SS18L2: variants seen among roughly 807,000 people sequenced by gnomAD.
SS18L2 encodes SS18-like protein 2.
Under a neutral mutation model 10.3 loss-of-function variants are expected in SS18L2, and 8 were observed. The observed-to-expected ratio is 0.78, with a 90% confidence interval of 0.46 to 1.41. The LOEUF (loss-of-function observed/expected upper bound fraction) is 1.41, where lower values mean the gene tolerates loss of function less well. SS18L2 is among the 40% of genes most tolerant of loss of function. SS18L2 has a pLI of 0.00. For synonymous variants in SS18L2, 41 were observed against 34.6 expected (o/e 1.19, Z -0.65); for missense variants, 100 against 96.2 (o/e 1.04, Z -0.17).
chr3:42,582,483 A>G (rs1704450172), intron 1 of SS18L2, among the ~76,000 whole-genome samples: 1 of 152,230 alleles, frequency 6.6e-6, no homozygotes, highest in Admixed American at 6.5e-5. Context: ...GCACCCACAG[A>G]TGGATGACTG....
chr3:42,584,503 G>A (rs995362491), intron 1 of SS18L2, among the ~76,000 whole-genome samples: 12 of 152,218 alleles, frequency 7.9e-5, no homozygotes, highest in South Asian at 4.1e-4. Flanking sequence ...TGATCTGCCC[G>A]CCTTGGCCTC....
intron 2 of SS18L2, among the ~76,000 whole-genome samples, chr3:42,593,109 T>C (rs1704909980): frequency 1.3e-5 from 2 of 152,132 alleles, no homozygotes; most frequent in South Asian, 4.1e-4. Flanking sequence ...CTAGAGATTA[T>C]TTAAACTGTG....
intron 1 of SS18L2, among the ~76,000 whole-genome samples, chr3:42,584,989 C>T (rs970931158): frequency 2.0e-5 from 3 of 152,048 alleles, no homozygotes; most frequent in Non-Finnish European, 4.4e-5. Flanking sequence ...ATTAGCCGGG[C>T]GTGATGGTGG....
intron 2 of SS18L2, among the ~76,000 whole-genome samples, chr3:42,593,636 A>G (rs1426702844): frequency 1.3e-5 from 2 of 152,140 alleles, no homozygotes; most frequent in Admixed American, 1.3e-4. Flanking sequence ...ATCCATAGTA[A>G]AACAGATACC....
upstream of SS18L2, among the ~76,000 whole-genome samples, chr3:42,586,756 C>G (rs183640701): frequency 1.8e-3 from 280 of 152,312 alleles, no homozygotes; most frequent in Middle Eastern, 6.8e-3. Context: ...TCAGTTTCTA[C>G]AAGTGATGTT....
chr3:42,589,561 G>C (rs1047331040), upstream of SS18L2, among the ~76,000 whole-genome samples: 2 of 152,170 alleles, frequency 1.3e-5, no homozygotes, highest in African/African-American at 4.8e-5. Context: ...AGCAGAGGGC[G>C]GATAAGCATT....
At chr3:42,590,349 C>G (rs1326717482), upstream of SS18L2, among the ~76,000 whole-genome samples, 1 of 152,124 alleles carries the variant, frequency 6.6e-6, no homozygotes, top group African/African-American at 2.4e-5. Flanking sequence ...CCGAGCAAAC[C>G]GCTCCTGCAG....
chr3:42,590,946 A>G lies in SS18L2; in HGVS notation c.49A>G (p.Asn17Asp). Reference sequence around the variant, plus strand: ...CTGGCTGAGGGGCAAGGCGGAAGTCAATCAAGAGACTATCCAGCGGGTGAG... The same window carrying G: ...CTGGCTGAGGGGCAAGGCGGAAGTCGATCAAGAGACTATCCAGCGGGTGAG... Reference protein sequence around the residue: ...PDWLRGKAEVNQETIQRLLEE... With the variant: ...PDWLRGKAEVDQETIQRLLEE... Residue 17 changes from asparagine to aspartate, a missense_variant, in exon 1 of 3, where the codon AAT becomes GAT. Physicochemically the swap from Asn to Asp is conservative, Grantham distance 23. Transcript: ENST00000011691. 6 of 1,610,370 alleles carry G rather than the reference A, an allele frequency of 3.7e-6. No individual in the cohort carries two copies. Among genetic ancestry groups the G allele is most frequent in the Non-Finnish European group, 5.1e-6 (6 of 1,178,446 alleles).
At chr3:42,591,204 T>TTTTTC in intron 1 of SS18L2, 1 of 486,172 alleles carries the variant, frequency 2.1e-6, no homozygotes, top group Non-Finnish European at 3.7e-6. Context: ...TTCTCTCCTT[T>TTTTTC]TTTTTTTTTT....
intron 2 of SS18L2, among the ~76,000 whole-genome samples, chr3:42,592,442 C>T (rs1163050506): frequency 6.6e-6 from 1 of 152,178 alleles, no homozygotes; most frequent in Non-Finnish European, 1.5e-5. Context: ...TCAGATGATC[C>T]ACCCACCTCG....
chr3:42,591,189 A>T (rs1181998864), intron 1 of SS18L2: 8 of 572,296 alleles, frequency 1.4e-5, no homozygotes, highest in Non-Finnish European at 2.4e-5. Flanking sequence ...CACTGCACTA[A>T]CCCTTTCTCT....
chr3:42,584,510 C>G (rs2125734746), intron 1 of SS18L2, among the ~76,000 whole-genome samples: 1 of 152,318 alleles, frequency 6.6e-6, no homozygotes, highest in East Asian at 1.9e-4. Flanking sequence ...CCCGCCTTGG[C>G]CTCCCTAAGT....
Position 42,595,565 on chromosome 3 carries a change from C to T in SS18L2, c.*1056C>T, listed in dbSNP as rs1559538179. ...TTCACTTAAATTATGATCCACCCAG[C>T]TTTGATGTGGTAATTCATTAGGGAT... On this transcript the variant is annotated 3_prime_UTR_variant, in exon 3 of 3. Coordinates refer to ENST00000011691, the MANE Select transcript of SS18L2 (RefSeq NM_001370300.1). Among the ~76,000 whole-genome samples the T allele has an allele frequency of 6.6e-6, 1 of 152,158 alleles. No individual in the cohort carries two copies. The highest frequency in any genetic ancestry group is 6.5e-5 in the Admixed American group (1 of 15,274).
Position 42,594,579 on chromosome 3 carries a change from T to C in SS18L2, c.*70T>C. The C allele has an allele frequency of 7.4e-7, 1 of 1,351,728 alleles. No individual in the cohort carries two copies. The allele number at this position is 1,351,728 out of a possible 1,614,324, so 83.7% of individuals were successfully genotyped here. A position where few individuals can be genotyped will look rare whatever the true frequency, so the allele number is the denominator to read the frequency against. The stretch of plus-strand genomic sequence containing the variant: ...GAGTAATTGAATGTAATCCATCTCT[T>C]ACAAAATGGAGACAGGGTCTTTACC... On this transcript the variant is annotated 3_prime_UTR_variant, in exon 3 of 3. Transcript: ENST00000011691.
At chr3:42,593,620 T>C (rs933602340) in intron 2 of SS18L2, among the ~76,000 whole-genome samples, 3 of 152,136 alleles carry the variant, frequency 2.0e-5, no homozygotes, top group Non-Finnish European at 4.4e-5. Context: ...TTTCAGACTC[T>C]GGGAAATCCA....
At chr3:42,583,810 C>T (rs1033753823) in intron 1 of SS18L2, among the ~76,000 whole-genome samples, 10 of 152,120 alleles carry the variant, frequency 6.6e-5, no homozygotes, top group African/African-American at 1.7e-4. Context: ...CAGAATTCCC[C>T]GTTCCCCTAA....
At chr3:42,592,540 T>C (rs1704886531) in intron 2 of SS18L2, among the ~76,000 whole-genome samples, 1 of 152,204 alleles carries the variant, frequency 6.6e-6, no homozygotes, top group South Asian at 2.1e-4. Context: ...ATTTCATTGT[T>C]ACTGAAGAAA....
chr3:42,591,100 G>C (rs966862101), intron 1 of SS18L2, 134 bp downstream of exon 1: 9 of 1,026,480 alleles, frequency 8.8e-6, no homozygotes, highest in East Asian at 2.6e-5. Context: ...GGGGTGCGGG[G>C]TGAGATGGGC....
In SS18L2 at chr3:42,594,759, T is replaced by C. The variant is rs1704982111; in HGVS notation, c.*250T>C. On this transcript the variant is annotated 3_prime_UTR_variant, in exon 3 of 3. Transcript: ENST00000011691. Reference sequence around the variant, plus strand: ...AGTTGAGCCCAGGTGTCCTCTTTCCTGAACTTGGAGCATGTTTGGATAACA... The same window carrying C: ...AGTTGAGCCCAGGTGTCCTCTTTCCCGAACTTGGAGCATGTTTGGATAACA... 3.1e-6 allele frequency: 1 copy of C among 320,540 alleles called. No homozygotes were observed. Among genetic ancestry groups the C allele is most frequent in the South Asian group, 5.4e-5 (1 of 18,388 alleles). The allele number at this position is 320,540 out of a possible 1,614,324, so 19.9% of individuals were successfully genotyped here. A position where few individuals can be genotyped will look rare whatever the true frequency, so the allele number is the denominator to read the frequency against.
Sources: gnomAD v4.1 joint callset for allele counts (sites outside exome capture counted in the v4.1 genomes callset) on GRCh38, gnomAD v4.1.1 for gene constraint, MANE v1.5 for transcripts, NCBI Gene and HGNC (gene_info 2026-07-23, HGNC 2026-07-21) for gene names.